SEMA5A: variants seen among roughly 807,000 people sequenced by gnomAD.
The protein encoded by SEMA5A is semaphorin 5A.
A neutral mutation model predicts 135.5 loss-of-function variants in SEMA5A; 55 were observed. The observed-to-expected ratio is 0.41, with a 90% CI of 0.33 to 0.51. The LOEUF is 0.51. SEMA5A is among the 20% of genes least tolerant of loss of function. The probability of loss-of-function intolerance (pLI) is 0.37; values close to 1 mark genes in which losing one functional copy is unlikely to be tolerated. For synonymous variants in SEMA5A, 580 were observed against 546.5 expected (o/e 1.06, Z -0.85); for missense variants, 1,290 against 1,419.9 (o/e 0.91, Z 1.47).
chr5:9,287,788 T>A (rs1378740989), intron 5 of SEMA5A, among the ~76,000 whole-genome samples: 1 of 152,242 alleles, frequency 6.6e-6, no homozygotes, highest in Non-Finnish European at 1.5e-5. Flanking sequence ...AGTCTCTGCA[T>A]TTACTATCTG....
In SEMA5A at chr5:9,059,641, C is replaced by T. The variant is rs552823211; in HGVS notation, c.2518+3246G>A. ...CTCAGCTCACTGCAAACTCCACCTC[C>T]TGGGCTCAAGCAATTCTTCTGCCTC... On this transcript the variant is annotated intron_variant, in intron 18 of 22. Coordinates refer to ENST00000382496, the MANE Select transcript of SEMA5A (RefSeq NM_003966.3). Among the ~76,000 whole-genome samples, 16 of 152,276 alleles carry T rather than the reference C, an allele frequency of 1.1e-4. No individual in the cohort carries two copies. In the South Asian group the frequency reaches 3.3e-3, roughly 32 times the overall value.
intron 4 of SEMA5A, among the ~76,000 whole-genome samples, chr5:9,319,194 A>T (rs1477569407): frequency 3.9e-5 from 6 of 152,098 alleles, no homozygotes; most frequent in African/African-American, 1.4e-4. Flanking sequence ...ACAGGGCGAG[A>T]CCCTGTCTCA....
At chr5:9,543,938 G>A (rs1320088430) in intron 1 of SEMA5A, among the ~76,000 whole-genome samples, 1 of 152,014 alleles carries the variant, frequency 6.6e-6, no homozygotes, top group Non-Finnish European at 1.5e-5. Flanking sequence ...AATTATTTCA[G>A]TTATACATAA....
chr5:9,152,038 T>C (rs1293348498), intron 12 of SEMA5A, among the ~76,000 whole-genome samples: 1 of 152,206 alleles, frequency 6.6e-6, no homozygotes, highest in Non-Finnish European at 1.5e-5. Context: ...CTCTCATCAC[T>C]GATCTGATGC....
intron 3 of SEMA5A, among the ~76,000 whole-genome samples, chr5:9,356,235 T>C (rs573639303): frequency 7.9e-5 from 12 of 152,324 alleles, no homozygotes; most frequent in African/African-American, 2.6e-4. Flanking sequence ...AACATAATTG[T>C]GAACATAATT....
chr5:9,283,091 T>C (rs1750624605), intron 5 of SEMA5A, among the ~76,000 whole-genome samples: 1 of 152,200 alleles, frequency 6.6e-6, no homozygotes, highest in African/African-American at 2.4e-5. Context: ...CCACTGAGTA[T>C]AGGATAATTT....
intron 8 of SEMA5A, among the ~76,000 whole-genome samples, chr5:9,222,839 C>T (rs1490516575): frequency 6.6e-6 from 1 of 152,222 alleles, no homozygotes; most frequent in Non-Finnish European, 1.5e-5. Flanking sequence ...CTGGTGGTCA[C>T]TCAGTCACAT....
intron 5 of SEMA5A, among the ~76,000 whole-genome samples, chr5:9,304,163 G>A (rs1220893574): frequency 6.6e-6 from 1 of 152,010 alleles, no homozygotes; most frequent in Non-Finnish European, 1.5e-5. Context: ...GTTTTCTCTT[G>A]TATACCTATT....
intron 5 of SEMA5A, among the ~76,000 whole-genome samples, chr5:9,275,771 C>T (rs1003901785): frequency 7.9e-5 from 12 of 152,238 alleles, no homozygotes; most frequent in Non-Finnish European, 1.2e-4. Context: ...AGGCCTTCAA[C>T]AAAATTCAAC....
At chr5:9,251,408 G>A (rs1464216251) in intron 5 of SEMA5A, among the ~76,000 whole-genome samples, 2 of 152,142 alleles carry the variant, frequency 1.3e-5, no homozygotes, top group Admixed American at 6.6e-5. Flanking sequence ...TCCTTAATCA[G>A]CCAACTTTAG....
At chr5:9,345,205 A>G (rs1561168497) in intron 3 of SEMA5A, among the ~76,000 whole-genome samples, 2 of 152,186 alleles carry the variant, frequency 1.3e-5, no homozygotes, top group African/African-American at 4.8e-5. Context: ...TTTCCAATGG[A>G]ATTCTGCTTC....
At chr5:9,274,626 A>T (rs1750158966) in intron 5 of SEMA5A, among the ~76,000 whole-genome samples, 1 of 152,200 alleles carries the variant, frequency 6.6e-6, no homozygotes, top group South Asian at 2.1e-4. Flanking sequence ...ATCATAAAAA[A>T]CTGTCTCTCA....
intron 14 of SEMA5A, among the ~76,000 whole-genome samples, chr5:9,122,073 T>TGGAGGGGATGGAGATC (rs1219784516): frequency 1.2e-4 from 19 of 152,212 alleles, no homozygotes. Flanking sequence ...ATCATGGTGT[T>TGGAGGGGATGGAGATC]ATAGGTGCAG....
At chr5:9,209,206 T>C (rs1746212141) in intron 8 of SEMA5A, among the ~76,000 whole-genome samples, 1 of 152,220 alleles carries the variant, frequency 6.6e-6, no homozygotes. Flanking sequence ...TAACTGGATA[T>C]GTGTCTAAAT....
At chr5:9,384,910 T>C (rs984036631) in intron 2 of SEMA5A, among the ~76,000 whole-genome samples, 5 of 152,226 alleles carry the variant, frequency 3.3e-5, no homozygotes, top group Non-Finnish European at 7.3e-5. Flanking sequence ...ATGAAATTCC[T>C]GTTAATTATA....
chr5:9,349,485 A>G (rs937648103), intron 3 of SEMA5A, among the ~76,000 whole-genome samples: 2 of 152,204 alleles, frequency 1.3e-5, no homozygotes, highest in African/African-American at 4.8e-5. Flanking sequence ...AAGAAGATAA[A>G]TACTATCTGA....
At chr5:9,467,782 G>A (rs1161621304) in intron 1 of SEMA5A, among the ~76,000 whole-genome samples, 11 of 152,202 alleles carry the variant, frequency 7.2e-5, no homozygotes, top group Admixed American at 4.6e-4. Flanking sequence ...CTGGCCCAGC[G>A]TGGGTCTGGC....
Position 9,305,497 on chromosome 5 carries a change from T to C in SEMA5A, c.270+12875A>G, listed in dbSNP as rs373946163. Among the ~76,000 whole-genome samples, 26 of 152,036 alleles carry C rather than the reference T, an allele frequency of 1.7e-4. 1 individual carries two copies. The highest frequency in any genetic ancestry group is 1.2e-3 in the Admixed American group (19 of 15,236). On this transcript the variant is annotated intron_variant, in intron 5 of 22. Transcript: ENST00000382496. ...AGAGCTGGGCACCCACATTGCTTTG[T>C]AGACCAGCCATCATTGCTTAATCTG... is the stretch of plus-strand genomic sequence containing the variant.
At chr5:9,353,094 GAA>G (rs1491051884) in intron 3 of SEMA5A, among the ~76,000 whole-genome samples, 6 of 37,326 alleles carry the variant, frequency 1.6e-4, no homozygotes, top group East Asian at 6.8e-4. Flanking sequence ...GAAAGGAAAG[GAA>G]GGAAGGAAAG....
Sources: gnomAD v4.1 joint callset for allele counts (sites outside exome capture counted in the v4.1 genomes callset) on GRCh38, gnomAD v4.1.1 for gene constraint, MANE v1.5 for transcripts, NCBI Gene and HGNC (gene_info 2026-07-23, HGNC 2026-07-21) for gene names.